The following MICAL3 variants were observed in gnomAD, a reference collection of about 807,000 sequenced individuals.
MICAL3 encodes microtubule associated monooxygenase, calponin and LIM domain containing 3.
Under a neutral mutation model 207.4 loss-of-function variants are expected in MICAL3, and 62 were observed. The ratio of observed to expected loss-of-function variants is 0.30; its 90% CI spans 0.24 to 0.37. The LOEUF is 0.37. Among genes scored for constraint, MICAL3 ranks in the 10% least tolerant of loss-of-function variants. The pLI is 1.00. For synonymous variants in MICAL3, 1,077 were observed against 1,069.3 expected, an observed-to-expected ratio of 1.01 and a Z score of -0.14; for missense variants, 2,368 against 2,635.6, an observed-to-expected ratio of 0.90 and a Z score of 2.22.
rs935500479 is a variant in MICAL3 at position 17,896,989 on chromosome 22, C to T, written c.949-8G>A. ...CTCTGTGTCGGCGTAGTCCTGTCTC[C>T]AGAGAAAGAGGAGGGTAGGGATGGA... On this transcript the variant is annotated splice_region_variant and splice_polypyrimidine_tract_variant and intron_variant, in intron 7 of 31. Transcript: ENST00000441493. 1 of 1,606,914 alleles carries T rather than the reference C, an allele frequency of 6.2e-7. No individual in the cohort carries two copies.
chr22:17,827,627 G>C lies in MICAL3; in HGVS notation c.3193+17C>G. 2 of 1,549,832 alleles carry C rather than the reference G, an allele frequency of 1.3e-6. No homozygotes were observed. Among genetic ancestry groups the C allele is most frequent in the Middle Eastern group, 3.6e-4 (2 of 5,588 alleles). ...GGTGCTCGGGGCACACTGCGGCCTGGGGCTGGGAGTGTTTACCTCCGGAAG... is the reference window on the plus strand; with the variant it reads ...GGTGCTCGGGGCACACTGCGGCCTGCGGCTGGGAGTGTTTACCTCCGGAAG... On this transcript the variant is annotated intron_variant, in intron 22 of 31. Transcript: ENST00000441493.
chr22:17,808,221 A>G (rs980707599), intron 29 of MICAL3, among the ~76,000 whole-genome samples: 14 of 152,256 alleles, frequency 9.2e-5, no homozygotes, highest in African/African-American at 2.9e-4. Flanking sequence ...AGCAGCAGTC[A>G]CGAGCACAGG....
intron 19 of MICAL3, chr22:17,863,842 T>A: frequency 2.0e-6 from 2 of 985,522 alleles, no homozygotes; most frequent in Non-Finnish European, 2.4e-6. Context: ...ATGGAAATTC[T>A]ATGACCAACT....
intron 1 of MICAL3, among the ~76,000 whole-genome samples, chr22:17,987,631 G>A (rs1031968246): frequency 2.0e-5 from 3 of 152,348 alleles, no homozygotes; most frequent in African/African-American, 7.2e-5. Context: ...CAGGTACTCC[G>A]AGCAAGAGCA....
intron 1 of MICAL3, among the ~76,000 whole-genome samples, chr22:17,985,112 G>A (rs1475939872): frequency 6.6e-6 from 1 of 152,254 alleles, no homozygotes; most frequent in Non-Finnish European, 1.5e-5. Flanking sequence ...CCACGCAAGA[G>A]TTGAGGGAGT....
intron 1 of MICAL3, among the ~76,000 whole-genome samples, chr22:17,936,045 TTA>T (rs1343480586): frequency 2.0e-5 from 3 of 152,154 alleles, no homozygotes; most frequent in Non-Finnish European, 4.4e-5. Flanking sequence ...AGAGCTAGAA[TTA>T]CCATTTGACC....
Position 17,989,216 on chromosome 22 carries a change from CTGCCTTTCAGGA to C in MICAL3, c.-75+35053_-75+35064del, listed in dbSNP as rs540438312. 3.5e-4 allele frequency among the ~76,000 whole-genome samples: 54 copies of C among 152,298 alleles called. No homozygotes were observed. In the East Asian group the frequency reaches 5.6e-3, roughly 16 times the overall value. ...GCCATGCCTTTGCTCATGCTGTTCT[CTGCCTTTCAGGA>C]AGCCCTTCCTGCCTTCCACCGCTAA... On this transcript the variant is annotated intron_variant, in intron 1 of 31. Coordinates refer to ENST00000441493, the MANE Select transcript of MICAL3 (RefSeq NM_015241.3).
chr22:17,957,125 T>C (rs1934651965), intron 1 of MICAL3, among the ~76,000 whole-genome samples: 1 of 152,102 alleles, frequency 6.6e-6, no homozygotes. Flanking sequence ...CATGCTTTGT[T>C]ATGAGGTAAC....
chr22:17,886,523 G>A (rs1929883690), intron 15 of MICAL3, among the ~76,000 whole-genome samples: 1 of 152,112 alleles, frequency 6.6e-6, no homozygotes, highest in African/African-American at 2.4e-5. Context: ...AGAACAATTT[G>A]GCCGGGTGTG....
chr22:17,827,094 G>A (rs574528208), intron 22 of MICAL3, among the ~76,000 whole-genome samples: 16 of 152,264 alleles, frequency 1.1e-4, no homozygotes, highest in African/African-American at 3.4e-4. Flanking sequence ...TTCTCTTATT[G>A]CTATTCCTTT....
chr22:17,952,610 G>A (rs374070268), intron 1 of MICAL3, among the ~76,000 whole-genome samples: 6 of 152,178 alleles, frequency 3.9e-5, no homozygotes, highest in Non-Finnish European at 7.3e-5. Flanking sequence ...CCAATCACGC[G>A]CTATAAAATA....
At chr22:17,826,804 GCCA>G (rs1922239448) in intron 22 of MICAL3, among the ~76,000 whole-genome samples, 1 of 152,232 alleles carries the variant, frequency 6.6e-6, no homozygotes, top group Admixed American at 6.5e-5. Context: ...TGCTCATGGT[GCCA>G]CCACAAGCCG....
Position 17,817,544 on chromosome 22 carries a change from C to CG in MICAL3, c.5116dup (p.Arg1706ProfsTer101). On this transcript the variant is annotated frameshift_variant, in exon 26 of 32. Coordinates refer to ENST00000441493, the MANE Select transcript of MICAL3 (RefSeq NM_015241.3). LOFTEE classifies it high-confidence loss of function. ...GGACTTCTTCTCCTTCTTGTTTCTG[C>CG]GGGGGGAGAAGAGTGACGACCTCTT... 6 of 1,613,310 alleles carry CG rather than the reference C, an allele frequency of 3.7e-6. No homozygotes were observed. Among genetic ancestry groups the CG allele is most frequent in the Non-Finnish European group, 2.5e-6 (3 of 1,179,736 alleles).
chr22:17,886,804 CAAA>C (rs55867197), intron 15 of MICAL3, among the ~76,000 whole-genome samples: 9 of 96,700 alleles, frequency 9.3e-5, no homozygotes, highest in Admixed American at 2.1e-4. Context: ...GACTCTGTCT[CAAA>C]AAAAAAAAAA....
intron 1 of MICAL3, among the ~76,000 whole-genome samples, chr22:17,911,067 T>C (rs1415350797): frequency 6.6e-6 from 1 of 151,912 alleles, no homozygotes. Flanking sequence ...CATCTGTGAG[T>C]CTCTGCCAGC....
At chr22:17,953,026 G>A (rs773298163) in intron 1 of MICAL3, among the ~76,000 whole-genome samples, 2 of 152,208 alleles carry the variant, frequency 1.3e-5, no homozygotes, top group Non-Finnish European at 2.9e-5. Flanking sequence ...TCGGGAAAGT[G>A]ACGGCAACTT....
intron 1 of MICAL3, among the ~76,000 whole-genome samples, chr22:17,924,655 C>T (rs1932874043): frequency 6.6e-6 from 1 of 152,098 alleles, no homozygotes; most frequent in Admixed American, 6.6e-5. Flanking sequence ...ACATCTGATC[C>T]CAAGCATTTC....
intron 21 of MICAL3, among the ~76,000 whole-genome samples, 183 bp downstream of exon 21, chr22:17,831,671 G>A (rs542473670): frequency 7.9e-5 from 12 of 152,244 alleles, no homozygotes; most frequent in South Asian, 6.2e-4. Context: ...ACTGCCAACC[G>A]CCTGCTCAAC....
chr22:17,975,967 T>C (rs1202635275), intron 1 of MICAL3, among the ~76,000 whole-genome samples: 2 of 151,776 alleles, frequency 1.3e-5, no homozygotes, highest in African/African-American at 4.8e-5. Flanking sequence ...GGAGAATCGC[T>C]AGAACCGGGA....
Sources: allele counts gnomAD v4.1 joint callset (sites outside exome capture counted in the v4.1 genomes callset), GRCh38; gene constraint gnomAD v4.1.1; transcripts MANE v1.5; gene names NCBI Gene and HGNC (gene_info 2026-07-23, HGNC 2026-07-21).